AGPS: variants seen among roughly 807,000 people sequenced by gnomAD.
The protein encoded by AGPS is alkylglycerone phosphate synthase.
In AGPS, 26 loss-of-function variants were observed where a neutral mutation model predicts 90.7. The observed-to-expected ratio is 0.29, with a 90% CI of 0.21 to 0.40. AGPS has a LOEUF of 0.40. AGPS is among the 10% of genes least tolerant of loss of function. The pLI is 1.00. For synonymous variants in AGPS, 294 were observed against 285.3 expected (o/e 1.03, Z -0.31); for missense variants, 540 against 816.1 (o/e 0.66, Z 4.12).
At chr2:177,487,997 A>C (rs1559068700) in intron 11 of AGPS, among the ~76,000 whole-genome samples, 2 of 152,148 alleles carry the variant, frequency 1.3e-5, no homozygotes, top group Admixed American at 1.3e-4. Flanking sequence ...CAAAATAAAA[A>C]GTTCTTATTG....
intron 1 of AGPS, among the ~76,000 whole-genome samples, chr2:177,414,927 GTATA>G (rs1388553674): frequency 2.5e-5 from 1 of 40,494 alleles, no homozygotes; most frequent in African/African-American, 6.0e-5. Flanking sequence ...TGTGTATAAT[GTATA>G]TAATATACAT....
At chr2:177,435,436 A>G (rs1686377131) in intron 3 of AGPS, among the ~76,000 whole-genome samples, 1 of 152,094 alleles carries the variant, frequency 6.6e-6, no homozygotes, top group African/African-American at 2.4e-5. Context: ...TTTGACATTG[A>G]TACAATCCAC....
chr2:177,530,754 T>C (rs371248265), intron 19 of AGPS, among the ~76,000 whole-genome samples: 1 of 152,334 alleles, frequency 6.6e-6, no homozygotes, highest in East Asian at 1.9e-4. Flanking sequence ...TCTGGTTTTG[T>C]GTATCAGAGA....
At chr2:177,401,985 TGTTCTAA>T (rs1332374335) in intron 1 of AGPS, among the ~76,000 whole-genome samples, 3 of 152,270 alleles carry the variant, frequency 2.0e-5, no homozygotes, top group African/African-American at 7.2e-5. Context: ...TGGTTACTTA[TGTTCTAA>T]GCACTTGGGC....
intron 1 of AGPS, among the ~76,000 whole-genome samples, chr2:177,406,834 T>C (rs772017681): frequency 2.0e-5 from 3 of 152,248 alleles, no homozygotes; most frequent in Non-Finnish European, 2.9e-5. Context: ...GCCAATTTTA[T>C]GCTGCTTATT....
chr2:177,464,087 A>G (rs1326610427), intron 9 of AGPS, among the ~76,000 whole-genome samples: 1 of 152,066 alleles, frequency 6.6e-6, no homozygotes, highest in African/African-American at 2.4e-5. Flanking sequence ...GATTACAGGC[A>G]TGCACCACCA....
intron 5 of AGPS, among the ~76,000 whole-genome samples, chr2:177,440,178 T>A (rs1686558848): frequency 6.6e-6 from 1 of 152,108 alleles, no homozygotes; most frequent in African/African-American, 2.4e-5. Context: ...TGTTTCTTGT[T>A]GAAATTAATA....
chr2:177,484,179 C>T (rs143593593), intron 11 of AGPS, among the ~76,000 whole-genome samples: 116 of 152,026 alleles, frequency 7.6e-4, no homozygotes, highest in Admixed American at 3.7e-3. Context: ...TTTTGGATTA[C>T]AGTCATTGGG....
chr2:177,478,212 C>T (rs1687837748), intron 10 of AGPS, among the ~76,000 whole-genome samples: 1 of 152,154 alleles, frequency 6.6e-6, no homozygotes, highest in Non-Finnish European at 1.5e-5. Context: ...GATAAGTCAG[C>T]TGTTAACTTT....
chr2:177,403,516 A>C (rs1369499105), intron 1 of AGPS, among the ~76,000 whole-genome samples: 1 of 152,220 alleles, frequency 6.6e-6, no homozygotes, highest in Non-Finnish European at 1.5e-5. Context: ...TAGAAGTGTC[A>C]TTCTGCTAGG....
intron 2 of AGPS, among the ~76,000 whole-genome samples, chr2:177,430,345 C>T (rs954112679): frequency 6.6e-6 from 1 of 152,172 alleles, no homozygotes; most frequent in East Asian, 1.9e-4. Flanking sequence ...CAGTCCCCCT[C>T]CTAGGGGAGT....
chr2:177,485,571 A>T (rs1052450334), intron 11 of AGPS, among the ~76,000 whole-genome samples: 1 of 152,126 alleles, frequency 6.6e-6, no homozygotes, highest in Non-Finnish European at 1.5e-5. Context: ...TTACTCATTT[A>T]AAAAAATTCT....
intron 11 of AGPS, among the ~76,000 whole-genome samples, chr2:177,489,781 C>T (rs1020420841): frequency 6.6e-6 from 1 of 152,162 alleles, no homozygotes; most frequent in Non-Finnish European, 1.5e-5. Flanking sequence ...TTCATTAGCT[C>T]AGTTTTAGTA....
intron 19 of AGPS, among the ~76,000 whole-genome samples, chr2:177,528,367 A>G (rs1459409484): frequency 1.3e-5 from 2 of 152,242 alleles, no homozygotes; most frequent in East Asian, 1.9e-4. Flanking sequence ...ATGACCTTCA[A>G]GGATACATTG....
At chr2:177,437,797 G>A (rs893402846) in intron 5 of AGPS, among the ~76,000 whole-genome samples, 5 of 152,166 alleles carry the variant, frequency 3.3e-5, no homozygotes, top group East Asian at 1.9e-4. Context: ...CGGACTCTCA[G>A]TTCTTAAATG....
chr2:177,462,138 C>A, intron 9 of AGPS, 120 bp downstream of exon 9: 1 of 850,522 alleles, frequency 1.2e-6, no homozygotes, highest in Non-Finnish European at 1.7e-6. Context: ...TGCCTGTAAT[C>A]CCAGCACTTT....
chr2:177,441,516 A>G (rs999967481), intron 6 of AGPS: 1 of 154,850 alleles, frequency 6.5e-6, no homozygotes, highest in Non-Finnish European at 1.4e-5. Context: ...ATTATGAAAT[A>G]TTTTTCTAAT....
At chr2:177,443,482 G>A (rs1019022137) in intron 7 of AGPS, among the ~76,000 whole-genome samples, 2 of 152,162 alleles carry the variant, frequency 1.3e-5, no homozygotes, top group African/African-American at 4.8e-5. Flanking sequence ...TCTAAGCCCT[G>A]TATGTCCACT....
chr2:177,526,132 A>G (rs1274260105), intron 19 of AGPS, among the ~76,000 whole-genome samples: 1 of 152,222 alleles, frequency 6.6e-6, no homozygotes, highest in Non-Finnish European at 1.5e-5. Context: ...CACAGAAATA[A>G]AAGTTAATTA....
Sources: allele counts gnomAD v4.1 joint callset (sites outside exome capture counted in the v4.1 genomes callset), GRCh38; gene constraint gnomAD v4.1.1; transcripts MANE v1.5; gene names NCBI Gene and HGNC (gene_info 2026-07-23, HGNC 2026-07-21).